MED13L: variants seen among roughly 807,000 people sequenced by gnomAD.
The protein encoded by MED13L is mediator of RNA polymerase II transcription subunit 13-like.
Under a neutral mutation model 220.9 loss-of-function variants are expected in MED13L, and 7 were observed. The ratio of observed to expected loss-of-function variants is 0.03; its 90% confidence interval spans 0.02 to 0.06. The LOEUF is 0.06. Among genes scored for constraint, MED13L ranks in the 10% least tolerant of loss-of-function variants. MED13L has a pLI of 1.00. For synonymous variants in MED13L, 1,011 were observed against 1,015.2 expected, an observed-to-expected ratio of 1.00 and a Z score of 0.08; for missense variants, 1,965 against 2,760.5, an observed-to-expected ratio of 0.71 and a Z score of 6.46.
chr12:116,128,927 C>T (rs904256972), intron 2 of MED13L, among the ~76,000 whole-genome samples: 1 of 151,700 alleles, frequency 6.6e-6, no homozygotes, highest in African/African-American at 2.4e-5. Context: ...TTTATTTTCC[C>T]TTGAAGAATG....
chr12:115,968,895 A>T (rs1456624569), intron 28 of MED13L, 45 bp downstream of exon 28: 6 of 1,607,334 alleles, frequency 3.7e-6, no homozygotes, highest in Non-Finnish European at 5.1e-6. Flanking sequence ...TTATCTTCCT[A>T]AAGGCTATGG....
chr12:116,171,870 A>G (rs1879705579), intron 2 of MED13L, among the ~76,000 whole-genome samples: 1 of 152,220 alleles, frequency 6.6e-6, no homozygotes, highest in East Asian at 1.9e-4. Context: ...ATGTATTCGT[A>G]TTAAATTCTG....
intron 3 of MED13L, among the ~76,000 whole-genome samples, chr12:116,098,665 T>C (rs533612140): frequency 1.3e-5 from 2 of 152,260 alleles, no homozygotes; most frequent in Non-Finnish European, 2.9e-5. Context: ...GTCACTGGGC[T>C]CCACTGGTTT....
intron 2 of MED13L, among the ~76,000 whole-genome samples, chr12:116,220,870 A>G (rs1336000330): frequency 6.6e-6 from 1 of 152,140 alleles, no homozygotes; most frequent in Non-Finnish European, 1.5e-5. Flanking sequence ...GGGGGAAAAA[A>G]CTGTGTGGTT....
At chr12:116,026,410 A>G (rs1880396325) in intron 4 of MED13L, among the ~76,000 whole-genome samples, 1 of 152,246 alleles carries the variant, frequency 6.6e-6, no homozygotes, top group South Asian at 2.1e-4. Context: ...CAAGAAAAAT[A>G]GAAGTTATAG....
intron 2 of MED13L, among the ~76,000 whole-genome samples, chr12:116,125,293 G>C (rs1248191174): frequency 6.6e-6 from 1 of 152,190 alleles, no homozygotes; most frequent in Admixed American, 6.5e-5. Context: ...ACTACAGTGT[G>C]ATCCCATCTC....
intron 2 of MED13L, among the ~76,000 whole-genome samples, chr12:116,113,227 T>C (rs1337221915): frequency 6.6e-6 from 1 of 152,204 alleles, no homozygotes; most frequent in African/African-American, 2.4e-5. Flanking sequence ...TAAAGAGTGC[T>C]GGTGATGCAG....
chr12:116,276,586 G>A, intron 1 of MED13L: 1 of 1,221,506 alleles, frequency 8.2e-7, no homozygotes, highest in South Asian at 1.4e-5. Context: ...CGAAATTGCA[G>A]GTGTCATTAT....
chr12:116,105,593 C>A (rs567621668), intron 3 of MED13L, among the ~76,000 whole-genome samples: 12 of 152,196 alleles, frequency 7.9e-5, no homozygotes, highest in Admixed American at 7.9e-4. Context: ...CAATAAGACT[C>A]AAAGTTTTAA....
chr12:116,226,651 T>C (rs1869029375), intron 2 of MED13L, among the ~76,000 whole-genome samples: 1 of 152,146 alleles, frequency 6.6e-6, no homozygotes, highest in Admixed American at 6.5e-5. Flanking sequence ...GGCAGATCAC[T>C]TGAGGTCAGA....
intron 2 of MED13L, among the ~76,000 whole-genome samples, chr12:116,171,635 A>T (rs1368404500): frequency 6.6e-6 from 1 of 152,172 alleles, no homozygotes; most frequent in Non-Finnish European, 1.5e-5. Context: ...TTCTAAAATG[A>T]GCACAACACT....
Position 116,096,831 on chromosome 12 carries a change from G to T in MED13L, c.396-79C>A, listed in dbSNP as rs1379805138. On this transcript the variant is annotated intron_variant, in intron 3 of 30. Transcript: ENST00000281928. ...GTCGCTGAAGCAATACACCAGATGA[G>T]ATATATCACCAAAAATAAAAACACC... 8.2e-6 allele frequency: 8 copies of T among 970,198 alleles called. No homozygotes were observed. In the South Asian group the frequency reaches 1.1e-4, roughly 13 times the overall value. 60.1% of individuals were successfully genotyped at this position (970,198 alleles called of 1,614,324 possible).
At chr12:116,025,323 A>G (rs1880322749) in intron 4 of MED13L, among the ~76,000 whole-genome samples, 1 of 152,236 alleles carries the variant, frequency 6.6e-6, no homozygotes, top group Non-Finnish European at 1.5e-5. Context: ...CAGTATAAAG[A>G]TTCCTCAAAA....
At chr12:116,117,356 A>T (rs1874620904) in intron 2 of MED13L, among the ~76,000 whole-genome samples, 1 of 152,178 alleles carries the variant, frequency 6.6e-6, no homozygotes, top group Non-Finnish European at 1.5e-5. Flanking sequence ...TCTTGATTAT[A>T]GTGGCAGTTA....
rs542841627 is a variant in MED13L, at chr12:116,271,373, G to A, written c.72+5687C>T. ...TGGGAGGCCGAGGCGGGAGGATCAC[G>A]AGGTCAGGAGATCGAGACCATCCTG... On this transcript the variant is annotated intron_variant, in intron 1 of 30. Transcript: ENST00000281928. Among the ~76,000 whole-genome samples the A allele has an allele frequency of 1.3e-4, 19 of 151,870 alleles. 1 individual carries two copies. In the South Asian group the frequency reaches 2.7e-3, roughly 22 times the overall value.
intron 2 of MED13L, among the ~76,000 whole-genome samples, chr12:116,115,114 G>A (rs968929637): frequency 6.6e-6 from 1 of 152,054 alleles, no homozygotes; most frequent in Non-Finnish European, 1.5e-5. Context: ...GAACAATGTG[G>A]TAAAAGAAAA....
chr12:115,996,766 C>A, intron 15 of MED13L, 85 bp from the exon 16 acceptor site: 2 of 1,253,318 alleles, frequency 1.6e-6, no homozygotes, highest in Non-Finnish European at 2.3e-6. Context: ...ATAAAAACAG[C>A]AACCAAAATG....
intron 1 of MED13L, among the ~76,000 whole-genome samples, chr12:116,241,345 C>A (rs537263323): frequency 0.017 from 2,387 of 140,234 alleles, 20 homozygotes; most frequent in African/African-American, 0.033. Context: ...AAAAAAAACA[C>A]ACACACACAC....
At chr12:115,961,824 AG>A (rs1875779649) in intron 30 of MED13L, among the ~76,000 whole-genome samples, 1 of 152,068 alleles carries the variant, frequency 6.6e-6, no homozygotes, top group East Asian at 1.9e-4. Context: ...TACAAAAATT[AG>A]TCAGGCGTGG....
Sources: gnomAD v4.1 joint callset for allele counts (sites outside exome capture counted in the v4.1 genomes callset) on GRCh38, gnomAD v4.1.1 for gene constraint, MANE v1.5 for transcripts, NCBI Gene and HGNC (gene_info 2026-07-23, HGNC 2026-07-21) for gene names.